Variants in STRN observed in about 807,000 individuals in gnomAD.
STRN encodes the protein striatin.
In STRN, 53 loss-of-function variants were observed where a neutral mutation model predicts 96.3. The observed-to-expected ratio is 0.55, with a 90% confidence interval of 0.44 to 0.69. The LOEUF (loss-of-function observed/expected upper bound fraction) is 0.69, where lower values mean the gene tolerates loss of function less well. Ranked by LOEUF, STRN falls within the 30% of genes least tolerant of loss-of-function variation. The pLI is 0.00. For synonymous variants in STRN, 428 were observed against 355.9 expected, an observed-to-expected ratio of 1.20 and a Z score of -2.28; for missense variants, 987 against 963.9, an observed-to-expected ratio of 1.02 and a Z score of -0.32.
chr2:36,838,340 T>C lies in STRN; in HGVS notation c.*11116A>G, dbSNP rs1207652389. Among the ~76,000 whole-genome samples, 1 of 152,218 alleles carries C rather than the reference T, an allele frequency of 6.6e-6. No individual in the cohort carries two copies. Among genetic ancestry groups the C allele is most frequent in the Non-Finnish European group, 1.5e-5 (1 of 68,036 alleles). ...ACCCACCCTGGAAGACACTTTCATT[T>C]CAGCCTTGTTGGGCCTTGAACAGAC... On this transcript the variant is annotated 3_prime_UTR_variant, in exon 18 of 18. Transcript: ENST00000263918.
intron 1 of STRN, among the ~76,000 whole-genome samples, chr2:36,963,069 A>AG (rs772260789): frequency 6.6e-6 from 1 of 152,108 alleles, no homozygotes; most frequent in Non-Finnish European, 1.5e-5. Flanking sequence ...GGATGTGAGG[A>AG]GGGGAGCATT....
intron 1 of STRN, among the ~76,000 whole-genome samples, chr2:36,941,677 G>A (rs905351940): frequency 6.7e-6 from 1 of 149,990 alleles, no homozygotes; most frequent in Non-Finnish European, 1.5e-5. Flanking sequence ...AGCCTCCTAA[G>A]TAGTTGGGAT....
At chr2:36,858,330 CG>C (rs1668401007) in intron 13 of STRN, among the ~76,000 whole-genome samples, 1 of 152,066 alleles carries the variant, frequency 6.6e-6, no homozygotes, top group South Asian at 2.1e-4. Flanking sequence ...CACGTTGATA[CG>C]AAATCATTTG....
intron 7 of STRN, among the ~76,000 whole-genome samples, chr2:36,890,856 A>C (rs1286181129): frequency 1.3e-5 from 2 of 152,150 alleles, no homozygotes; most frequent in Non-Finnish European, 2.9e-5. Flanking sequence ...TTTCAACTGA[A>C]CACTAAGGGC....
chr2:36,893,755 C>T (rs1240438659), intron 7 of STRN, 143 bp downstream of exon 7: 1 of 928,576 alleles, frequency 1.1e-6, no homozygotes, highest in African/African-American at 1.7e-5. Flanking sequence ...CACACATTCA[C>T]CCTGGATAAA....
intron 1 of STRN, among the ~76,000 whole-genome samples, chr2:36,940,761 C>T (rs1572690323): frequency 2.0e-5 from 3 of 149,820 alleles, no homozygotes; most frequent in South Asian, 2.1e-4. Flanking sequence ...GGTGTGAACC[C>T]GCGAAGCAGA....
rs148536143 is a variant in STRN, at chr2:36,874,353, G to C, written c.1323+3538C>G. Among the ~76,000 whole-genome samples the C allele has an allele frequency of 7.1e-3, 1,077 of 151,794 alleles. 8 individuals carry two copies. The highest frequency in any genetic ancestry group is 0.012 in the Non-Finnish European group (786 of 67,936). On this transcript the variant is annotated intron_variant, in intron 10 of 17. Transcript: ENST00000263918. The stretch of plus-strand genomic sequence containing the variant: ...TTACTGAAGAGACAATTAGTGAACT[G>C]AAAGATGAATCATAAAAAAAATAAA...
chr2:36,917,538 GA>G (rs576754026), intron 2 of STRN, among the ~76,000 whole-genome samples: 1,393 of 88,674 alleles, frequency 0.016, 5 homozygotes, highest in African/African-American at 0.026. Flanking sequence ...ACAAAAAAAA[GA>G]AAAAAAAAAA....
intron 9 of STRN, among the ~76,000 whole-genome samples, chr2:36,882,974 G>A (rs1669113859): frequency 6.6e-6 from 1 of 151,998 alleles, no homozygotes; most frequent in Non-Finnish European, 1.5e-5. Flanking sequence ...AGATTACACT[G>A]CAAAAGACTA....
intron 9 of STRN, among the ~76,000 whole-genome samples, chr2:36,879,409 G>C (rs1669009185): frequency 6.6e-6 from 1 of 152,090 alleles, no homozygotes; most frequent in South Asian, 2.1e-4. Flanking sequence ...ACTTTCATTA[G>C]CTGTGAACTG....
chr2:36,912,260 GCACA>G (rs956588681), intron 3 of STRN, among the ~76,000 whole-genome samples: 2 of 152,000 alleles, frequency 1.3e-5, no homozygotes, highest in Admixed American at 6.6e-5. Context: ...GTGCGCGCGC[GCACA>G]CACACACTTT....
At position 36,838,182 on chromosome 2, in the gene STRN, A is replaced by G. The variant is rs886660257; in HGVS notation, c.*11274T>C. ...GCACCCTGGCAAGCTTTGAAGGTGGAAGGGACCACGTGCAAGGACCACGGA... is the reference window on the plus strand; with the variant it reads ...GCACCCTGGCAAGCTTTGAAGGTGGGAGGGACCACGTGCAAGGACCACGGA... On this transcript the variant is annotated 3_prime_UTR_variant, in exon 18 of 18. Transcript: ENST00000263918. Among the ~76,000 whole-genome samples, 9 of 152,224 alleles carry G rather than the reference A, an allele frequency of 5.9e-5. No individual in the cohort carries two copies. Among genetic ancestry groups the G allele is most frequent in the African/African-American group, 9.6e-5 (4 of 41,458 alleles).
intron 7 of STRN, among the ~76,000 whole-genome samples, chr2:36,890,340 T>A (rs1435175548): frequency 2.6e-5 from 4 of 152,144 alleles, no homozygotes; most frequent in Non-Finnish European, 4.4e-5. Flanking sequence ...AAAAGAAGTG[T>A]CATTGGTACC....
Position 36,906,492 on chromosome 2 carries a change from A to AAT in STRN, c.413-875_413-874insAT, listed in dbSNP as rs1553399748. 3.2e-3 allele frequency among the ~76,000 whole-genome samples: 493 copies of AAT among 152,252 alleles called. 19 individuals carry two copies. The East Asian group carries it at 0.065, about 20-fold the overall frequency. On this transcript the variant is annotated intron_variant, in intron 3 of 17. Coordinates refer to ENST00000263918, the MANE Select transcript of STRN (RefSeq NM_003162.4). ...GAATGAATGAATGAATGAATGAATG[A>AAT]GTAACAAATAAATAATTTTTTTAAA... is the stretch of plus-strand genomic sequence containing the variant.
intron 3 of STRN, 94 bp from the exon 4 acceptor site, chr2:36,905,712 T>G: frequency 9.3e-7 from 1 of 1,077,532 alleles, no homozygotes; most frequent in South Asian, 1.3e-5. Flanking sequence ...TTTATAAGAT[T>G]AAGAATATGT....
intron 9 of STRN, among the ~76,000 whole-genome samples, chr2:36,883,730 T>C (rs1438491160): frequency 1.3e-5 from 2 of 152,230 alleles, no homozygotes; most frequent in Non-Finnish European, 2.9e-5. Context: ...GGTTTTTAAG[T>C]GTATGCACCT....
intron 1 of STRN, among the ~76,000 whole-genome samples, chr2:36,960,772 A>G (rs973312781): frequency 2.0e-5 from 3 of 152,218 alleles, no homozygotes; most frequent in African/African-American, 7.2e-5. Flanking sequence ...AATAATAGTC[A>G]CAATAATAAA....
chr2:36,883,320 G>A (rs1669124949), intron 9 of STRN, among the ~76,000 whole-genome samples: 1 of 152,156 alleles, frequency 6.6e-6, no homozygotes, highest in African/African-American at 2.4e-5. Flanking sequence ...AGCTAGGCTT[G>A]GCGGCAGGTG....
Position 36,905,557 on chromosome 2 carries a change from AC to A in STRN, c.473del (p.Gly158ValfsTer19). 6.2e-7 allele frequency: 1 copy of A among 1,613,714 alleles called. No homozygotes were observed. Among genetic ancestry groups the A allele is most frequent in the East Asian group, 2.2e-5 (1 of 44,800 alleles). On this transcript the variant is annotated frameshift_variant, in exon 4 of 18. Coordinates refer to ENST00000263918, the MANE Select transcript of STRN (RefSeq NM_003162.4). LOFTEE classifies it high-confidence loss of function. ...ACACTTACTGTCTGAGTAGTTGTCG[AC>A]CTTGTTTCCACATTAACTGGCTGTT... The part of the protein sequence containing the change: ...QQNSQLMWKQ[G>X]RQLLRQYLQE...
Sources: gnomAD v4.1 joint callset for allele counts (sites outside exome capture counted in the v4.1 genomes callset) on GRCh38, gnomAD v4.1.1 for gene constraint, MANE v1.5 for transcripts, NCBI Gene and HGNC (gene_info 2026-07-23, HGNC 2026-07-21) for gene names.